The following ARID1B variants were observed in gnomAD, a reference collection of about 807,000 sequenced individuals.
ARID1B encodes the protein AT-rich interactive domain-containing protein 1B.
In ARID1B, 30 loss-of-function variants were observed where a neutral mutation model predicts 212.3. That is an observed-to-expected ratio of 0.14 (90% confidence interval 0.11 to 0.19). The LOEUF (loss-of-function observed/expected upper bound fraction) is 0.19, where lower values mean the gene tolerates loss of function less well. Ranked by LOEUF, ARID1B falls within the 10% of genes least tolerant of loss-of-function variation. The pLI is 1.00. For synonymous variants in ARID1B, 1,402 were observed against 1,301.7 expected, an observed-to-expected ratio of 1.08 and a Z score of -1.66; for missense variants, 2,891 against 3,204.0, an observed-to-expected ratio of 0.90 and a Z score of 2.36.
At chr6:156,795,804 T>C (rs1260266498) in intron 1 of ARID1B, among the ~76,000 whole-genome samples, 1 of 152,134 alleles carries the variant, frequency 6.6e-6, no homozygotes, top group Admixed American at 6.5e-5. Flanking sequence ...AGTACAGTAC[T>C]GGGAAGTTTC....
chr6:157,194,238 C>G (rs1205456943), intron 15 of ARID1B: 1 of 152,168 alleles, frequency 6.6e-6, no homozygotes, highest in African/African-American at 2.4e-5. Flanking sequence ...AATTATGTCA[C>G]GTGATTTCTT....
intron 4 of ARID1B, among the ~76,000 whole-genome samples, chr6:156,964,454 C>G (rs1358364775): frequency 1.3e-5 from 2 of 152,160 alleles, no homozygotes; most frequent in African/African-American, 4.8e-5. Flanking sequence ...CCCGTCATCC[C>G]TCATGTGCTG....
At position 157,197,874 on chromosome 6, in the gene ARID1B, T is replaced by A. The variant is rs940995569; in HGVS notation, c.4383-937T>A. Among the ~76,000 whole-genome samples the A allele has an allele frequency of 3.3e-5, 5 of 152,232 alleles. No homozygotes were observed. The East Asian group carries it at 9.6e-4, about 29-fold the overall frequency. On this transcript the variant is annotated intron_variant, in intron 16 of 19. Coordinates refer to ENST00000636930, the MANE Select transcript of ARID1B (RefSeq NM_001374828.1). ...ACCCATGTCAATTACATTTCTTTCCTCCTATCTCTGCATTTCCTTCTTAGA... is the reference window on the plus strand; with the variant it reads ...ACCCATGTCAATTACATTTCTTTCCACCTATCTCTGCATTTCCTTCTTAGA...
intron 2 of ARID1B, among the ~76,000 whole-genome samples, chr6:156,885,827 C>A (rs1447884404): frequency 6.6e-6 from 1 of 152,190 alleles, no homozygotes; most frequent in Non-Finnish European, 1.5e-5. Flanking sequence ...AAACGACTCA[C>A]AACGAAGCCT....
chr6:156,791,397 C>T (rs973448221), intron 1 of ARID1B, among the ~76,000 whole-genome samples: 6 of 152,168 alleles, frequency 3.9e-5, no homozygotes, highest in African/African-American at 1.4e-4. Flanking sequence ...TTGCTGCTGC[C>T]AGAGCTATCT....
intron 7 of ARID1B, among the ~76,000 whole-genome samples, chr6:157,139,527 T>G (rs892870074): frequency 5.3e-5 from 8 of 152,126 alleles, no homozygotes; most frequent in Non-Finnish European, 1.2e-4. Context: ...GCCTTTCCCC[T>G]GCAGTCTGTG....
chr6:156,973,111 G>T (rs1777031053), intron 4 of ARID1B, among the ~76,000 whole-genome samples: 1 of 152,204 alleles, frequency 6.6e-6, no homozygotes, highest in Non-Finnish European at 1.5e-5. Context: ...GTGCCGTGCA[G>T]TACAGTAGGC....
At chr6:157,006,645 A>C (rs1779264660) in intron 4 of ARID1B, among the ~76,000 whole-genome samples, 1 of 152,220 alleles carries the variant, frequency 6.6e-6, no homozygotes, top group African/African-American at 2.4e-5. Flanking sequence ...GAAATGTGTA[A>C]TCAGAAGGAA....
intron 1 of ARID1B, among the ~76,000 whole-genome samples, chr6:156,788,665 A>G (rs1693470174): frequency 6.6e-6 from 1 of 152,198 alleles, no homozygotes. Context: ...TCTTCACTGA[A>G]TATATGATTT....
At chr6:156,994,314 A>G (rs1372437380) in intron 4 of ARID1B, among the ~76,000 whole-genome samples, 1 of 152,176 alleles carries the variant, frequency 6.6e-6, no homozygotes, top group Non-Finnish European at 1.5e-5. Context: ...GACTGTATAC[A>G]TAGGTGGCAG....
At chr6:156,929,445 G>A (rs533982622) in intron 3 of ARID1B, among the ~76,000 whole-genome samples, 68 of 152,226 alleles carry the variant, frequency 4.5e-4, no homozygotes, top group Non-Finnish European at 7.2e-4. Flanking sequence ...GGAAGTGGTC[G>A]CAGCCACCTC....
intron 11 of ARID1B, among the ~76,000 whole-genome samples, chr6:157,179,927 G>GA (rs67088419): frequency 2.0e-5 from 3 of 151,492 alleles, no homozygotes; most frequent in Non-Finnish European, 4.4e-5. Context: ...AAGAAAAAAG[G>GA]AAAAAAAACT....
chr6:156,972,131 C>T (rs940035096), intron 4 of ARID1B, among the ~76,000 whole-genome samples: 1 of 152,092 alleles, frequency 6.6e-6, no homozygotes, highest in East Asian at 1.9e-4. Flanking sequence ...TAAAATAGTT[C>T]TTTTTATTTT....
intron 2 of ARID1B, among the ~76,000 whole-genome samples, chr6:156,873,131 T>C (rs973443298): frequency 4.6e-5 from 7 of 152,202 alleles, no homozygotes; most frequent in Admixed American, 2.0e-4. Flanking sequence ...TCATGTCTGC[T>C]CCTGGCACCT....
chr6:157,076,419 A>G (rs542170684), intron 4 of ARID1B, among the ~76,000 whole-genome samples: 33 of 151,902 alleles, frequency 2.2e-4, no homozygotes, highest in Admixed American at 3.3e-4. Context: ...AACTCCTGGG[A>G]TCAAGCAATA....
chr6:157,043,071 T>C (rs1184211963), intron 4 of ARID1B, among the ~76,000 whole-genome samples: 12 of 152,230 alleles, frequency 7.9e-5, no homozygotes, highest in Admixed American at 7.9e-4. Flanking sequence ...GAACATAAGA[T>C]GTTAAAGTAA....
chr6:156,909,977 A>G (rs1374246238), intron 3 of ARID1B, among the ~76,000 whole-genome samples: 1 of 152,072 alleles, frequency 6.6e-6, no homozygotes, highest in Non-Finnish European at 1.5e-5. Flanking sequence ...ACCCTCTCCA[A>G]ATTGCTCACT....
chr6:157,018,167 G>A (rs1780018932), intron 4 of ARID1B, among the ~76,000 whole-genome samples: 1 of 141,108 alleles, frequency 7.1e-6, no homozygotes, highest in Non-Finnish European at 1.5e-5. Flanking sequence ...AATGGAAACT[G>A]ACTTGTTTTT....
At chr6:157,097,753 T>C (rs1453147616) in intron 5 of ARID1B, among the ~76,000 whole-genome samples, 2 of 152,244 alleles carry the variant, frequency 1.3e-5, no homozygotes, top group Admixed American at 6.5e-5. Flanking sequence ...GCGCCTCAGC[T>C]AATCTTTCTC....
Sources: allele counts gnomAD v4.1 joint callset (sites outside exome capture counted in the v4.1 genomes callset), GRCh38; gene constraint gnomAD v4.1.1; transcripts MANE v1.5; gene names NCBI Gene and HGNC (gene_info 2026-07-23, HGNC 2026-07-21).